CCSER1: variants seen among roughly 807,000 people sequenced by gnomAD.
CCSER1 encodes serine-rich coiled-coil domain-containing protein 1.
CCSER1 carries 41 observed loss-of-function variants against 82.0 expected under a neutral mutation model. The ratio of observed to expected loss-of-function variants is 0.50; its 90% CI spans 0.39 to 0.65. CCSER1 has a LOEUF of 0.65. Among genes scored for constraint, CCSER1 ranks in the 30% least tolerant of loss-of-function variants. The pLI, the probability that CCSER1 is intolerant of heterozygous loss-of-function variation, is 0.00. For missense variants in CCSER1, 1,119 were observed against 1,064.2 expected (o/e 1.05, Z -0.72); for synonymous variants, 414 against 383.9 (o/e 1.08, Z -0.92).
intron 6 of CCSER1, among the ~76,000 whole-genome samples, chr4:90,669,292 TA>T (rs1732370481): frequency 6.6e-6 from 1 of 152,026 alleles, no homozygotes. Flanking sequence ...CTTATTAAAA[TA>T]TATGGTCTCA....
At chr4:90,870,921 G>A (rs1203522703) in intron 8 of CCSER1, among the ~76,000 whole-genome samples, 3 of 148,162 alleles carry the variant, frequency 2.0e-5, no homozygotes, top group Non-Finnish European at 4.5e-5. Context: ...AAATTTTTTG[G>A]GTTGAATATC....
intron 10 of CCSER1, among the ~76,000 whole-genome samples, chr4:91,099,506 T>C (rs1724841383): frequency 6.6e-6 from 1 of 152,186 alleles, no homozygotes; most frequent in African/African-American, 2.4e-5. Flanking sequence ...TGAGTGACCA[T>C]GGTCCATGAC....
chr4:91,213,195 C>T (rs1736973226), intron 10 of CCSER1, among the ~76,000 whole-genome samples: 1 of 151,976 alleles, frequency 6.6e-6, no homozygotes, highest in Non-Finnish European at 1.5e-5. Context: ...ATCATTACGT[C>T]AAGTGAATTT....
At chr4:90,666,132 C>T (rs1305353920) in intron 6 of CCSER1, among the ~76,000 whole-genome samples, 1 of 152,094 alleles carries the variant, frequency 6.6e-6, no homozygotes, top group Non-Finnish European at 1.5e-5. Flanking sequence ...CCCTCTGCCA[C>T]ATCACTTCTG....
chr4:91,248,811 C>T (rs191763909), intron 10 of CCSER1, among the ~76,000 whole-genome samples: 1 of 152,122 alleles, frequency 6.6e-6, no homozygotes, highest in Admixed American at 6.5e-5. Context: ...ATGCACTATA[C>T]AAATATAAGA....
At chr4:90,979,292 C>T (rs2150416443) in intron 9 of CCSER1, among the ~76,000 whole-genome samples, 1 of 151,510 alleles carries the variant, frequency 6.6e-6, no homozygotes, top group Non-Finnish European at 1.5e-5. Context: ...AGTCATTCAT[C>T]AAAGATATGA....
At chr4:91,593,777 G>A (rs1350055100) in intron 10 of CCSER1, among the ~76,000 whole-genome samples, 1 of 152,142 alleles carries the variant, frequency 6.6e-6, no homozygotes, top group Non-Finnish European at 1.5e-5. Context: ...AGAGGCTGGT[G>A]TGACTTACTA....
At chr4:90,881,601 A>G (rs1721328561) in intron 8 of CCSER1, among the ~76,000 whole-genome samples, 2 of 151,750 alleles carry the variant, frequency 1.3e-5, no homozygotes, top group South Asian at 4.2e-4. Context: ...GTGAAACCCC[A>G]TCTCTACCAA....
At chr4:91,430,875 G>A (rs963681863) in intron 10 of CCSER1, among the ~76,000 whole-genome samples, 1 of 152,104 alleles carries the variant, frequency 6.6e-6, no homozygotes, top group Admixed American at 6.5e-5. Flanking sequence ...ATCCTCTAGC[G>A]TTTTATTGGT....
chr4:91,102,586 A>C (rs1385007407), intron 10 of CCSER1, among the ~76,000 whole-genome samples: 1 of 152,236 alleles, frequency 6.6e-6, no homozygotes, highest in Non-Finnish European at 1.5e-5. Flanking sequence ...AAGGCACATA[A>C]GTTATTTTTA....
chr4:90,836,952 T>A (rs747232811), intron 8 of CCSER1, among the ~76,000 whole-genome samples: 3 of 152,222 alleles, frequency 2.0e-5, no homozygotes, highest in Non-Finnish European at 4.4e-5. Context: ...CAATGATCAG[T>A]TGAAGCTGAA....
At chr4:91,001,239 T>C (rs568670966) in intron 9 of CCSER1, among the ~76,000 whole-genome samples, 4 of 152,192 alleles carry the variant, frequency 2.6e-5, no homozygotes, top group African/African-American at 9.6e-5. Context: ...GAACCAACCT[T>C]GCATCCCAGG....
intron 7 of CCSER1, among the ~76,000 whole-genome samples, chr4:90,767,613 C>G (rs373949269): frequency 5.3e-5 from 8 of 152,148 alleles, no homozygotes; most frequent in Non-Finnish European, 7.4e-5. Flanking sequence ...TCTAAGTTGC[C>G]TTTTATTCAT....
chr4:90,761,599 A>G (rs1750419645), intron 7 of CCSER1, among the ~76,000 whole-genome samples: 1 of 152,198 alleles, frequency 6.6e-6, no homozygotes, highest in South Asian at 2.1e-4. Context: ...TCAAATGGTA[A>G]CACAGCAATG....
intron 10 of CCSER1, among the ~76,000 whole-genome samples, chr4:91,150,167 T>G (rs1730012451): frequency 6.6e-6 from 1 of 152,228 alleles, no homozygotes; most frequent in African/African-American, 2.4e-5. Context: ...AGCAGTGGTT[T>G]GTAATTCTCC....
chr4:91,115,841 T>TTTTATATATATATATATATA (rs747363416), intron 10 of CCSER1, among the ~76,000 whole-genome samples: 3 of 115,212 alleles, frequency 2.6e-5, no homozygotes, highest in African/African-American at 1.1e-4. Flanking sequence ...TTCCATTCTT[T>TTTTATATATATATATATATA]TATATATATA....
intron 1 of CCSER1, among the ~76,000 whole-genome samples, chr4:90,154,253 C>A (rs1468698691): frequency 5.3e-5 from 8 of 152,190 alleles, no homozygotes; most frequent in Non-Finnish European, 1.2e-4. Flanking sequence ...TGTTTTGGTA[C>A]CAGTACCATG....
chr4:90,570,208 G>A (rs1368182584), intron 5 of CCSER1, among the ~76,000 whole-genome samples: 1 of 152,176 alleles, frequency 6.6e-6, no homozygotes, highest in Non-Finnish European at 1.5e-5. Context: ...GAGATGTCAT[G>A]ATAAATGTCT....
chr4:91,169,201 T>TAAAAA (rs57715555), intron 10 of CCSER1, among the ~76,000 whole-genome samples: 3 of 122,984 alleles, frequency 2.4e-5, no homozygotes, highest in Non-Finnish European at 3.4e-5. Context: ...CAATAAATAC[T>TAAAAA]AAAAAAAAAA....
Sources: allele counts gnomAD v4.1 joint callset (sites outside exome capture counted in the v4.1 genomes callset), GRCh38; gene constraint gnomAD v4.1.1; transcripts MANE v1.5; gene names NCBI Gene and HGNC (gene_info 2026-07-23, HGNC 2026-07-21).